PTPRG: variants seen among roughly 807,000 people sequenced by gnomAD.
PTPRG encodes the protein receptor-type tyrosine-protein phosphatase gamma.
A neutral mutation model predicts 165.3 loss-of-function variants in PTPRG; 102 were observed. The observed-to-expected ratio is 0.62, with a 90% CI of 0.53 to 0.73. The LOEUF is 0.73. Ranked by LOEUF, PTPRG falls within the 30% of genes least tolerant of loss-of-function variation. PTPRG has a pLI of 0.00. For synonymous variants in PTPRG, 675 were observed against 669.5 expected, an observed-to-expected ratio of 1.01 and a Z score of -0.13; for missense variants, 1,866 against 1,861.4, an observed-to-expected ratio of 1.00 and a Z score of -0.05.
chr3:61,880,051 A>C (rs1388183658), intron 2 of PTPRG, among the ~76,000 whole-genome samples: 3 of 152,218 alleles, frequency 2.0e-5, no homozygotes, highest in African/African-American at 7.2e-5. Context: ...GCTTTACTGC[A>C]TTCTGTCATG....
In PTPRG at chr3:62,214,614, G is replaced by C. The variant is rs1372638858; in HGVS notation, c.2156-4237G>C. Among the ~76,000 whole-genome samples, 1 of 152,164 alleles carries C rather than the reference G, an allele frequency of 6.6e-6. No individual in the cohort carries two copies. Among genetic ancestry groups the C allele is most frequent in the Non-Finnish European group, 1.5e-5 (1 of 68,034 alleles). ...TTTGGGGACCTAGAGTAACAAAAGA[G>C]CGATTATAATTGAGTATGATGTGTG... is the stretch of plus-strand genomic sequence containing the variant. On this transcript the variant is annotated intron_variant, in intron 12 of 29. Transcript: ENST00000474889. This position sits in a 1 kb window ranked among gnomAD's most constrained non-coding sequence, Gnocchi z 5.2.
chr3:61,774,763 A>G (rs2034316903), intron 2 of PTPRG, among the ~76,000 whole-genome samples: 1 of 152,172 alleles, frequency 6.6e-6, no homozygotes, highest in South Asian at 2.1e-4. Flanking sequence ...TCTCTGCTTC[A>G]TTCCTCATCC....
intron 6 of PTPRG, among the ~76,000 whole-genome samples, chr3:62,136,244 A>G (rs1703704788): frequency 6.6e-6 from 1 of 152,158 alleles, no homozygotes; most frequent in Admixed American, 6.5e-5. Context: ...ACCTGCCCTC[A>G]CCATGTATGC....
chr3:61,633,900 T>A (rs2106935468), intron 1 of PTPRG, among the ~76,000 whole-genome samples: 1 of 151,562 alleles, frequency 6.6e-6, no homozygotes, highest in South Asian at 2.1e-4. Flanking sequence ...TCGAGTGGTT[T>A]TTTTTTTTTG....
intron 28 of PTPRG, among the ~76,000 whole-genome samples, chr3:62,289,697 A>AG (rs1559770867): frequency 1.2e-5 from 1 of 82,174 alleles, no homozygotes; most frequent in East Asian, 4.5e-4. Flanking sequence ...CCCATTCATG[A>AG]TCCCCCCCCC....
chr3:62,122,989 C>T (rs1164369956), intron 5 of PTPRG, among the ~76,000 whole-genome samples: 1 of 152,174 alleles, frequency 6.6e-6, no homozygotes, highest in South Asian at 2.1e-4. Context: ...TGTTCAATGA[C>T]GTATTCTATT....
intron 1 of PTPRG, among the ~76,000 whole-genome samples, chr3:61,568,019 A>G (rs952680755): frequency 6.6e-6 from 1 of 151,694 alleles, no homozygotes; most frequent in African/African-American, 2.4e-5. Context: ...GGGAGCAACC[A>G]TCTTACTTGG....
intron 14 of PTPRG, among the ~76,000 whole-genome samples, chr3:62,234,943 C>A (rs570176235): frequency 1.3e-4 from 19 of 150,990 alleles, no homozygotes; most frequent in African/African-American, 3.4e-4. Flanking sequence ...ACTTCCCCCC[C>A]CCGAGATGGT....
chr3:61,955,209 C>T (rs1180773871), intron 2 of PTPRG, among the ~76,000 whole-genome samples: 2 of 152,190 alleles, frequency 1.3e-5, no homozygotes, highest in Admixed American at 6.5e-5. Context: ...TTCAGACCTT[C>T]CTGTACGAAC....
intron 1 of PTPRG, among the ~76,000 whole-genome samples, chr3:61,613,585 A>C (rs1185099749): frequency 6.6e-6 from 1 of 152,234 alleles, no homozygotes. Context: ...AGATTCAGGG[A>C]AAACAAATTA....
intron 1 of PTPRG, among the ~76,000 whole-genome samples, chr3:61,703,533 T>A (rs1051815677): frequency 1.3e-5 from 2 of 152,144 alleles, no homozygotes; most frequent in Non-Finnish European, 2.9e-5. Context: ...CTGGGGGAGT[T>A]GATGCTGTAT....
At chr3:61,651,412 G>A (rs1702352077) in intron 1 of PTPRG, among the ~76,000 whole-genome samples, 1 of 151,110 alleles carries the variant, frequency 6.6e-6, no homozygotes, top group Admixed American at 6.6e-5. Context: ...ATAGATGATA[G>A]CAGCCATTGA....
chr3:62,240,078 G>T lies in PTPRG; in HGVS notation c.2376-3729G>T, dbSNP rs17066303. On this transcript the variant is annotated intron_variant, in intron 14 of 29. Coordinates refer to ENST00000474889, the MANE Select transcript of PTPRG (RefSeq NM_002841.4). The surrounding 1 kb of genome is among the most constrained non-coding windows in gnomAD (Gnocchi z 5.1). ...AAGGAATAAATTAAATACCAGCATT[G>T]TAATGCCTCCATGAAATGGAAGATT... Among the ~76,000 whole-genome samples the T allele has an allele frequency of 0.071, 10,832 of 152,162 alleles. 583 individuals are homozygous for T. The highest frequency in any genetic ancestry group is 0.27 in the East Asian group (1,397 of 5,158).
chr3:61,627,875 A>G (rs1280571175), intron 1 of PTPRG, among the ~76,000 whole-genome samples: 1 of 152,232 alleles, frequency 6.6e-6, no homozygotes, highest in African/African-American at 2.4e-5. Flanking sequence ...TTAAGGTCAA[A>G]TGAGGTGTGG....
intron 2 of PTPRG, among the ~76,000 whole-genome samples, chr3:61,965,374 G>C (rs964838003): frequency 2.6e-5 from 4 of 151,100 alleles, no homozygotes; most frequent in African/African-American, 9.7e-5. Flanking sequence ...TGTAATCCCA[G>C]CTACTGGGGA....
At chr3:62,187,892 C>T (rs1376504941) in intron 8 of PTPRG, among the ~76,000 whole-genome samples, 1 of 152,190 alleles carries the variant, frequency 6.6e-6, no homozygotes, top group African/African-American at 2.4e-5. Flanking sequence ...CATTAAGTTA[C>T]AGAATTCCCT....
chr3:61,963,298 A>C (rs1340862485), intron 2 of PTPRG, among the ~76,000 whole-genome samples: 3 of 152,118 alleles, frequency 2.0e-5, no homozygotes, highest in Non-Finnish European at 2.9e-5. Flanking sequence ...TATGACCCCC[A>C]AAAAGGGTAA....
At chr3:61,746,397 G>T (rs958188689) in intron 1 of PTPRG, among the ~76,000 whole-genome samples, 3 of 151,740 alleles carry the variant, frequency 2.0e-5, no homozygotes, top group Non-Finnish European at 4.4e-5. Flanking sequence ...TTTTAGTAGA[G>T]ACAGGATTTC....
rs10669472 is a variant in PTPRG at position 61,745,051 on chromosome 3, C to CTTTTTTTTTTTTT, written c.86-3821_86-3809dup. On this transcript the variant is annotated intron_variant, in intron 1 of 29. Coordinates refer to ENST00000474889, the MANE Select transcript of PTPRG (RefSeq NM_002841.4). ...TTTCATGTGTTCATTCATTCCCTCA[C>CTTTTTTTTTTTTT]TTTTTTTTTTTTTTTTTTGAGACGG... Among the ~76,000 whole-genome samples, 29 of 111,600 alleles carry CTTTTTTTTTTTTT rather than the reference C, an allele frequency of 2.6e-4. 1 individual carries two copies. Among genetic ancestry groups the CTTTTTTTTTTTTT allele is most frequent in the African/African-American group, 5.1e-4 (15 of 29,420 alleles). 73.2% of individuals were successfully genotyped at this position (111,600 alleles called of 152,430 possible).
Sources: allele counts gnomAD v4.1 joint callset (sites outside exome capture counted in the v4.1 genomes callset), GRCh38; gene constraint gnomAD v4.1.1; non-coding constraint Gnocchi (gnomAD v3.1); transcripts MANE v1.5; gene names NCBI Gene and HGNC (gene_info 2026-07-23, HGNC 2026-07-21).